PLCE1: variants seen among roughly 807,000 people sequenced by gnomAD.
The protein encoded by PLCE1 is phospholipase C epsilon 1.
A neutral mutation model predicts 242.8 loss-of-function variants in PLCE1; 119 were observed. The ratio of observed to expected loss-of-function variants is 0.49; its 90% CI spans 0.42 to 0.57. The LOEUF (loss-of-function observed/expected upper bound fraction) is 0.57, where lower values mean the gene tolerates loss of function less well. Among genes scored for constraint, PLCE1 ranks in the 20% least tolerant of loss-of-function variants. The pLI is 0.00. For synonymous variants in PLCE1, 945 were observed against 1,017.4 expected, an observed-to-expected ratio of 0.93 and a Z score of 1.35; for missense variants, 2,441 against 2,788.8, an observed-to-expected ratio of 0.88 and a Z score of 2.81.
chr10:94,273,689 A>G lies in PLCE1; in HGVS notation c.4634A>G (p.His1545Arg). Reference sequence around the variant, plus strand: ...CTTAAAAACAAGAAGCTAAAAGCCCATCAGACGCCAGTGGATATCTTAAAG... The same window carrying G: ...CTTAAAAACAAGAAGCTAAAAGCCCGTCAGACGCCAGTGGATATCTTAAAG... ...VLLKNKKLKAHQTPVDILKQK... is the reference protein window; with the variant it reads ...VLLKNKKLKARQTPVDILKQK... The change falls in exon 19 of 33, where the codon CAT becomes CGT. Residue 1545 changes from histidine (H) to arginine (R), a missense_variant. By Grantham distance (29) the His-to-Arg change is conservative. Transcript: ENST00000371380. 1 of 1,614,004 alleles carries G rather than the reference A, an allele frequency of 6.2e-7. No homozygotes were observed. Among genetic ancestry groups the G allele is most frequent in the Non-Finnish European group, 8.5e-7 (1 of 1,179,910 alleles).
At chr10:94,111,236 A>G (rs1035116723) in intron 2 of PLCE1, among the ~76,000 whole-genome samples, 1 of 152,194 alleles carries the variant, frequency 6.6e-6, no homozygotes, top group Non-Finnish European at 1.5e-5. Flanking sequence ...AATAGGAAGC[A>G]GGGTTCCTTC....
At chr10:94,008,433 T>TGA (rs1469108134) in intron 1 of PLCE1, among the ~76,000 whole-genome samples, 2 of 152,058 alleles carry the variant, frequency 1.3e-5, no homozygotes, top group African/African-American at 4.8e-5. Flanking sequence ...CTTAGCCTCC[T>TGA]GAGTAACTGG....
intron 19 of PLCE1, among the ~76,000 whole-genome samples, chr10:94,275,369 C>T (rs749802590): frequency 4.6e-5 from 7 of 152,082 alleles, no homozygotes; most frequent in South Asian, 2.1e-4. Context: ...TTAAGAATAT[C>T]GTAGATATTC....
In PLCE1 at chr10:94,197,209, G is replaced by A. The variant is rs182350385; in HGVS notation, c.1809+25713G>A. 1.1e-3 allele frequency among the ~76,000 whole-genome samples: 167 copies of A among 152,166 alleles called. 1 individual carries two copies. Among genetic ancestry groups the A allele is most frequent in the African/African-American group, 3.1e-3 (130 of 41,508 alleles). ...GGCTGAATAATATTTCATTATGTGC[G>A]TATACCACATATTGTTTATTGGTAA... is the stretch of plus-strand genomic sequence containing the variant. On this transcript the variant is annotated intron_variant, in intron 4 of 32. Coordinates refer to ENST00000371380, the MANE Select transcript of PLCE1 (RefSeq NM_016341.4).
At chr10:94,196,372 G>A (rs1229465533) in intron 4 of PLCE1, among the ~76,000 whole-genome samples, 1 of 152,184 alleles carries the variant, frequency 6.6e-6, no homozygotes, top group Non-Finnish European at 1.5e-5. Context: ...CCTCAGCCTG[G>A]TTGTCACAGC....
At chr10:94,148,220 T>C (rs752899765) in intron 3 of PLCE1, among the ~76,000 whole-genome samples, 6 of 152,102 alleles carry the variant, frequency 3.9e-5, no homozygotes, top group Non-Finnish European at 8.8e-5. Context: ...AAAGTGGAGA[T>C]GGAGCGAAGA....
chr10:94,324,853 T>G, intron 31 of PLCE1, 39 bp from the exon 32 acceptor site: 17 of 1,594,482 alleles, frequency 1.1e-5, no homozygotes, highest in Non-Finnish European at 1.5e-5. Context: ...GGAACCTGAG[T>G]TTAACCTAAC....
chr10:94,031,329 A>G lies in PLCE1; in HGVS notation c.283A>G (p.Met95Val), dbSNP rs779712636. 1 of 1,613,926 alleles carries G rather than the reference A, an allele frequency of 6.2e-7. No individual in the cohort carries two copies. The highest frequency in any genetic ancestry group is 8.5e-7 in the Non-Finnish European group (1 of 1,179,882). ...NSNEKCWEKI[M>V]PDSAKNLNIN... is the part of the protein sequence containing the mutation. ...TAATGAAAAATGTTGGGAGAAAATC[A>G]TGCCAGATTCTGCGAAAAACCTTAA... The change falls in exon 2 of 33, where the codon ATG becomes GTG. Residue 95 changes from methionine (M) to valine (V), a missense_variant. Coordinates refer to ENST00000371380, the MANE Select transcript of PLCE1 (RefSeq NM_016341.4).
chr10:94,083,684 ATGT>A (rs1425025908), intron 2 of PLCE1, among the ~76,000 whole-genome samples: 1 of 152,180 alleles, frequency 6.6e-6, no homozygotes, highest in East Asian at 1.9e-4. Flanking sequence ...CTTCATTTTG[ATGT>A]TGTGCTCAGT....
At chr10:94,237,372 A>G (rs942381481) in intron 7 of PLCE1, among the ~76,000 whole-genome samples, 4 of 152,150 alleles carry the variant, frequency 2.6e-5, no homozygotes, top group African/African-American at 9.7e-5. Context: ...AGACCCCTAG[A>G]CTATCCTTTC....
intron 2 of PLCE1, among the ~76,000 whole-genome samples, chr10:94,063,244 A>G (rs1463969069): frequency 6.6e-6 from 1 of 152,186 alleles, no homozygotes; most frequent in Non-Finnish European, 1.5e-5. Flanking sequence ...ACTCTGCTGT[A>G]TTCCCATGTG....
chr10:94,321,064 C>A (rs1395719528), intron 29 of PLCE1, among the ~76,000 whole-genome samples: 2 of 152,130 alleles, frequency 1.3e-5, no homozygotes, highest in African/African-American at 4.8e-5. Flanking sequence ...TAATCTAATT[C>A]TCATAATTTT....
chr10:94,220,129 C>A (rs758889407), intron 4 of PLCE1, among the ~76,000 whole-genome samples: 1 of 151,478 alleles, frequency 6.6e-6, no homozygotes, highest in Non-Finnish European at 1.5e-5. Flanking sequence ...ATGGCCCGTG[C>A]TTTAAGGAGC....
intron 4 of PLCE1, among the ~76,000 whole-genome samples, chr10:94,178,586 A>G (rs1216847995): frequency 6.6e-6 from 1 of 152,250 alleles, no homozygotes; most frequent in African/African-American, 2.4e-5. Flanking sequence ...AAAGAATGCC[A>G]AGATGCAGCT....
At chr10:94,236,167 T>TC in intron 7 of PLCE1, 47 bp downstream of exon 7, 1 of 1,508,810 alleles carries the variant, frequency 6.6e-7, no homozygotes, top group East Asian at 2.3e-5. Flanking sequence ...TCTTCTTTTT[T>TC]CCTGTTGATG....
chr10:94,245,048 A>C (rs1057390719), intron 7 of PLCE1, among the ~76,000 whole-genome samples: 1 of 152,156 alleles, frequency 6.6e-6, no homozygotes, highest in African/African-American at 2.4e-5. Context: ...TTTTTAACCT[A>C]AAAAGGTTAA....
At position 94,281,539 on chromosome 10, in the gene PLCE1, T is replaced by C. The variant is rs140256703; in HGVS notation, c.4795+1628T>C. ...GCATGTATTTTTAACAATCCACATA[T>C]GCAGAGGTGGAGTATCATTGGAAAA... On this transcript the variant is annotated intron_variant, in intron 20 of 32. Coordinates refer to ENST00000371380, the MANE Select transcript of PLCE1 (RefSeq NM_016341.4). Among the ~76,000 whole-genome samples the C allele has an allele frequency of 5.9e-5, 9 of 152,332 alleles. No individual in the cohort carries two copies. The East Asian group carries it at 1.5e-3, about 26-fold the overall frequency.
At chr10:94,313,175 T>C in intron 27 of PLCE1, 79 bp from the exon 28 acceptor site, 1 of 1,538,112 alleles carries the variant, frequency 6.5e-7, no homozygotes, top group Middle Eastern at 2.2e-4. Flanking sequence ...TACTTCTAAG[T>C]ACTAGCACCT....
intron 3 of PLCE1, among the ~76,000 whole-genome samples, chr10:94,146,612 A>G (rs2047122138): frequency 6.6e-6 from 1 of 152,108 alleles, no homozygotes; most frequent in Non-Finnish European, 1.5e-5. Flanking sequence ...GACTTGAACC[A>G]AGCAGAATAA....
Sources: gnomAD v4.1 joint callset for allele counts (sites outside exome capture counted in the v4.1 genomes callset) on GRCh38, gnomAD v4.1.1 for gene constraint, MANE v1.5 for transcripts, NCBI Gene and HGNC (gene_info 2026-07-23, HGNC 2026-07-21) for gene names.